The following CR1 variants were observed in gnomAD, a reference collection of about 807,000 sequenced individuals.
CR1 encodes the protein complement receptor type 1.
In CR1, 116 loss-of-function variants were observed where a neutral mutation model predicts 187.3. That is an observed-to-expected ratio of 0.62 (90% CI 0.53 to 0.72). The LOEUF (loss-of-function observed/expected upper bound fraction) is 0.72. CR1 is among the 30% of genes least tolerant of loss of function. CR1 has a pLI of 0.00. For missense variants in CR1, 1,731 were observed against 2,110.7 expected (o/e 0.82, Z 3.52); for synonymous variants, 576 against 747.1 (o/e 0.77, Z 3.73).
chr1:207,582,856 T>A (rs1398860973), intron 32 of CR1, among the ~76,000 whole-genome samples: 1 of 152,196 alleles, frequency 6.6e-6, no homozygotes, highest in Admixed American at 6.5e-5. Context: ...AGGGTAGAAT[T>A]TCCCTTAGCT....
rs67078800 is a variant in CR1, at chr1:207,619,376, C to CA, written c.7067-486dup. ...CCTGCCTGGGTGACACAGTGAGACT[C>CA]AAAAAAAAAAAAAAAAAAGAAAAAG... is the stretch of plus-strand genomic sequence containing the variant. On this transcript the variant is annotated intron_variant, in intron 42 of 46. Coordinates refer to ENST00000367049, the MANE Select transcript of CR1 (RefSeq NM_000651.6). Among the ~76,000 whole-genome samples, 283 of 92,594 alleles carry CA rather than the reference C, an allele frequency of 3.1e-3. 1 individual carries two copies. Among genetic ancestry groups the CA allele is most frequent in the Non-Finnish European group, 4.3e-3 (195 of 45,878 alleles). The allele number at this position is 92,594 out of a possible 152,430, so 60.7% of individuals were successfully genotyped here. A position where few individuals can be genotyped will look rare whatever the true frequency, so the allele number is the denominator to read the frequency against.
At chr1:207,506,521 G>C (rs1659438114) in intron 2 of CR1, among the ~76,000 whole-genome samples, 193 bp from the exon 3 acceptor site, 1 of 152,210 alleles carries the variant, frequency 6.6e-6, no homozygotes, top group Non-Finnish European at 1.5e-5. Flanking sequence ...AAACAGATCT[G>C]AAAGGAAAGT....
chr1:207,567,962 G>C lies in CR1; in HGVS notation c.4091G>C (p.Gly1364Ala). 1 of 1,610,470 alleles carries C rather than the reference G, an allele frequency of 6.2e-7. No homozygotes were observed. The change falls in exon 25 of 47, where the codon GGA becomes GCA. Residue 1364 changes from glycine (G) to alanine (A), a missense_variant. By Grantham distance (60) the Gly-to-Ala change is moderately conservative. Coordinates refer to ENST00000367049, the MANE Select transcript of CR1 (RefSeq NM_000651.6). ...PDRGTSFDLI[G>A]ESTIRCTSDP... ...AGAGGGACGAGCTTCGACCTCATTG[G>C]AGAGAGCACCATCCGCTGCACAAGT...
At chr1:207,604,630 GCT>G (rs1050004293) in intron 35 of CR1, among the ~76,000 whole-genome samples, 2 of 152,124 alleles carry the variant, frequency 1.3e-5, no homozygotes, top group African/African-American at 4.8e-5. Context: ...TATTTCTTGG[GCT>G]TTCCCCCATT....
intron 3 of CR1, among the ~76,000 whole-genome samples, chr1:207,509,622 A>G (rs948666397): frequency 6.6e-6 from 1 of 152,236 alleles, no homozygotes; most frequent in Non-Finnish European, 1.5e-5. Context: ...AACACTGAAC[A>G]ATAGTATGGA....
intron 4 of CR1, among the ~76,000 whole-genome samples, chr1:207,516,259 T>A (rs893149842): frequency 1.3e-5 from 2 of 152,172 alleles, no homozygotes; most frequent in African/African-American, 4.8e-5. Flanking sequence ...TTAAAAAGAC[T>A]ATTCCTTGCA....
Position 207,523,591 on chromosome 1 carries a change from C to T in CR1, c.488-20C>T, listed in dbSNP as rs749739657. 1 of 1,613,642 alleles carries T rather than the reference C, an allele frequency of 6.2e-7. No homozygotes were observed. The highest frequency in any genetic ancestry group is 8.5e-7 in the Non-Finnish European group (1 of 1,179,824). On this transcript the variant is annotated intron_variant, in intron 4 of 46. Coordinates refer to ENST00000367049, the MANE Select transcript of CR1 (RefSeq NM_000651.6). ...ATTATTTAAACTGACTGTTATTTAT[C>T]CTGCTCTTCCTTTTTCCAGGAATTC...
chr1:207,566,904 T>G, intron 24 of CR1, among the ~76,000 whole-genome samples: 1 of 150,262 alleles, frequency 6.7e-6, no homozygotes, highest in East Asian at 1.9e-4. Context: ...TACAGTGATT[T>G]TTAGAGTAAA....
At chr1:207,512,906 C>T (rs780452708) in intron 4 of CR1, among the ~76,000 whole-genome samples, 87 of 152,168 alleles carry the variant, frequency 5.7e-4, no homozygotes, top group Non-Finnish European at 1.2e-3. Context: ...GGTAAATGGC[C>T]TCAAGTCTTC....
At chr1:207,620,926 CTT>C (rs1001229152) in intron 43 of CR1, among the ~76,000 whole-genome samples, 26 of 152,242 alleles carry the variant, frequency 1.7e-4, no homozygotes, top group African/African-American at 5.8e-4. Context: ...ACAAAAGTCA[CTT>C]TGCACCAGGA....
chr1:207,591,196 A>C (rs1156545039), intron 35 of CR1, among the ~76,000 whole-genome samples: 2 of 152,166 alleles, frequency 1.3e-5, no homozygotes, highest in Non-Finnish European at 2.9e-5. Context: ...TGACCACATA[A>C]TTGGAAGTAA....
chr1:207,525,933 T>C (rs1307102050), intron 5 of CR1, among the ~76,000 whole-genome samples: 2 of 152,136 alleles, frequency 1.3e-5, no homozygotes, highest in Admixed American at 6.5e-5. Context: ...AAAAGGGAAC[T>C]GATCTGCTCA....
intron 39 of CR1, among the ~76,000 whole-genome samples, chr1:207,612,611 C>G (rs998530096): frequency 1.3e-5 from 2 of 152,236 alleles, no homozygotes; most frequent in African/African-American, 4.8e-5. Flanking sequence ...CTTGCTTGGG[C>G]CCAGGCTCAC....
intron 35 of CR1, among the ~76,000 whole-genome samples, chr1:207,592,925 T>A (rs1661315880): frequency 6.6e-6 from 1 of 151,846 alleles, no homozygotes; most frequent in Non-Finnish European, 1.5e-5. Context: ...TACAAACCAC[T>A]GCTCAAGGAA....
At chr1:207,596,061 A>C (rs1661429597) in intron 35 of CR1, among the ~76,000 whole-genome samples, 1 of 79,460 alleles carries the variant, frequency 1.3e-5, no homozygotes, top group African/African-American at 6.5e-5. Context: ...ATCTATATAT[A>C]TCTATATCTA....
intron 4 of CR1, among the ~76,000 whole-genome samples, chr1:207,513,779 C>T (rs1468722779): frequency 5.0e-5 from 6 of 118,856 alleles, no homozygotes; most frequent in Admixed American, 3.0e-4. Flanking sequence ...TTCCTTCCTT[C>T]CTTCTTTCCT....
intron 29 of CR1, 117 bp from the exon 30 acceptor site, chr1:207,580,123 C>T: frequency 2.1e-6 from 3 of 1,440,010 alleles, no homozygotes; most frequent in Non-Finnish European, 2.8e-6. Context: ...AATTTGGGGC[C>T]TTGTGCTAGG....
At chr1:207,578,418 A>T (rs1017896253) in intron 29 of CR1, among the ~76,000 whole-genome samples, 2 of 152,190 alleles carry the variant, frequency 1.3e-5, no homozygotes, top group African/African-American at 4.8e-5. Context: ...GCCAAGAAAA[A>T]AGCTATTTTG....
intron 13 of CR1, among the ~76,000 whole-genome samples, chr1:207,544,608 C>A (rs1430310614): frequency 1.0e-5 from 1 of 99,726 alleles, no homozygotes; most frequent in Admixed American, 1.1e-4. Context: ...TAAGAGAGAG[C>A]CTGAGATGCC....
Sources: allele counts gnomAD v4.1 joint callset (sites outside exome capture counted in the v4.1 genomes callset), GRCh38; gene constraint gnomAD v4.1.1; transcripts MANE v1.5; gene names NCBI Gene and HGNC (gene_info 2026-07-23, HGNC 2026-07-21).